GSG1L: variants seen among roughly 807,000 people sequenced by gnomAD.
GSG1L encodes germ cell-specific gene 1-like protein.
In GSG1L, 24 loss-of-function variants were observed where a neutral mutation model predicts 42.1. The observed-to-expected ratio is 0.57, with a 90% CI of 0.41 to 0.80. The LOEUF is 0.80. GSG1L is among the 30% of genes least tolerant of loss of function. The pLI, the probability that GSG1L is intolerant of heterozygous loss-of-function variation, is 0.00. For synonymous variants in GSG1L, 215 were observed against 203.5 expected, an observed-to-expected ratio of 1.06 and a Z score of -0.48; for missense variants, 445 against 472.2, an observed-to-expected ratio of 0.94 and a Z score of 0.53.
intron 3 of GSG1L, among the ~76,000 whole-genome samples, chr16:27,851,671 A>C (rs563324189): frequency 1.1e-4 from 16 of 152,302 alleles, no homozygotes; most frequent in African/African-American, 3.8e-4. Flanking sequence ...CTCTCAGGGC[A>C]GTGTTGCTTG....
Position 28,034,330 on chromosome 16 carries a change from C to CTGGTCTGGGCATTGGGA in GSG1L, c.349+28729_349+28745dup, listed in dbSNP as rs1337605937. On this transcript the variant is annotated intron_variant, in intron 1 of 6. Coordinates refer to ENST00000447459, the MANE Select transcript of GSG1L (RefSeq NM_001109763.2). ...ATCCTATCCCTATGGTCCCGAGTTC[C>CTGGTCTGGGCATTGGGA]TGGTCTGGGCATTGGGATTCAAAAA... Among the ~76,000 whole-genome samples, 5 of 150,958 alleles carry CTGGTCTGGGCATTGGGA rather than the reference C, an allele frequency of 3.3e-5. No homozygotes were observed. The Admixed American group carries it at 3.3e-4, about 10-fold the overall frequency.
intron 2 of GSG1L, among the ~76,000 whole-genome samples, chr16:27,955,259 C>T (rs1328160646): frequency 6.6e-6 from 1 of 150,912 alleles, no homozygotes; most frequent in Non-Finnish European, 1.5e-5. Context: ...AAGCAGGAGA[C>T]TATTAAAAAA....
At chr16:28,048,888 A>G (rs1310049358) in intron 1 of GSG1L, among the ~76,000 whole-genome samples, 2 of 152,244 alleles carry the variant, frequency 1.3e-5, no homozygotes, top group African/African-American at 4.8e-5. Context: ...AAAAAACAGA[A>G]TCAATAAATA....
At chr16:27,973,932 T>C (rs1438105143) in intron 1 of GSG1L, among the ~76,000 whole-genome samples, 2 of 152,158 alleles carry the variant, frequency 1.3e-5, no homozygotes, top group Non-Finnish European at 2.9e-5. Context: ...CCCTGCGCCT[T>C]CCATTGTCTC....
chr16:27,939,417 C>T lies in GSG1L; in HGVS notation c.397+23739G>A, dbSNP rs956182315. On this transcript the variant is annotated intron_variant, in intron 2 of 6. Transcript: ENST00000447459. Reference sequence around the variant, plus strand: ...CACTGGGATTCCAGGCATGAGGCACCAGGCCAGCCCCCAAATTCTCAAGTT... The same window carrying T: ...CACTGGGATTCCAGGCATGAGGCACTAGGCCAGCCCCCAAATTCTCAAGTT... 1.6e-4 allele frequency among the ~76,000 whole-genome samples: 24 copies of T among 152,228 alleles called. 1 individual carries two copies. Among genetic ancestry groups the T allele is most frequent in the Non-Finnish European group, 1.0e-4 (7 of 68,016 alleles).
At chr16:27,915,131 G>A (rs1432621213) in intron 2 of GSG1L, among the ~76,000 whole-genome samples, 2 of 150,952 alleles carry the variant, frequency 1.3e-5, no homozygotes, top group Non-Finnish European at 3.0e-5. Context: ...CAAAACCCAG[G>A]CTGATGGATG....
At chr16:27,946,635 GAA>G (rs1567530037) in intron 2 of GSG1L, among the ~76,000 whole-genome samples, 4 of 4,034 alleles carry the variant, frequency 9.9e-4, no homozygotes, top group African/African-American at 1.4e-3. Context: ...GAGAGAGAAA[GAA>G]AGAAAGAAAG....
At chr16:27,923,608 G>A (rs2084553153) in intron 2 of GSG1L, among the ~76,000 whole-genome samples, 1 of 152,110 alleles carries the variant, frequency 6.6e-6, no homozygotes, top group Admixed American at 6.5e-5. Context: ...CAGGCATGGT[G>A]GCGGGTGCCT....
chr16:27,841,951 G>A (rs1473238775), intron 4 of GSG1L, among the ~76,000 whole-genome samples: 2 of 152,204 alleles, frequency 1.3e-5, no homozygotes, highest in Non-Finnish European at 2.9e-5. Context: ...CAGGGCAAGT[G>A]ATTCAAACTT....
At chr16:27,838,356 C>A (rs1395548867) in intron 4 of GSG1L, among the ~76,000 whole-genome samples, 1 of 152,174 alleles carries the variant, frequency 6.6e-6, no homozygotes, top group Non-Finnish European at 1.5e-5. Flanking sequence ...CTCTCACCCC[C>A]CAGGGCCCCA....
chr16:27,960,766 A>G (rs2141105503), intron 2 of GSG1L, among the ~76,000 whole-genome samples: 1 of 152,268 alleles, frequency 6.6e-6, no homozygotes, highest in African/African-American at 2.4e-5. Flanking sequence ...ACCTCAAGCG[A>G]GAGCTACAGT....
At chr16:27,851,403 C>A (rs1316403415) in intron 3 of GSG1L, among the ~76,000 whole-genome samples, 1 of 151,990 alleles carries the variant, frequency 6.6e-6, no homozygotes, top group Non-Finnish European at 1.5e-5. Flanking sequence ...ATTATGTTGT[C>A]CAGGCTGGTC....
intron 1 of GSG1L, among the ~76,000 whole-genome samples, chr16:28,020,350 A>G (rs2085828340): frequency 6.6e-6 from 1 of 152,194 alleles, no homozygotes; most frequent in South Asian, 2.1e-4. Context: ...ACCAATCTAC[A>G]TTTGCAAAAT....
chr16:27,856,495 T>G (rs2077006944), intron 3 of GSG1L, among the ~76,000 whole-genome samples: 1 of 152,100 alleles, frequency 6.6e-6, no homozygotes, highest in Admixed American at 6.5e-5. Flanking sequence ...TTTTGGTTTT[T>G]GTAGAGACAG....
chr16:27,915,538 G>C (rs1693891273), intron 2 of GSG1L, among the ~76,000 whole-genome samples: 1 of 152,226 alleles, frequency 6.6e-6, no homozygotes, highest in South Asian at 2.1e-4. Context: ...CAAGCCACAA[G>C]TATTTACTGA....
At chr16:27,920,315 G>A (rs1260650574) in intron 2 of GSG1L, among the ~76,000 whole-genome samples, 1 of 152,198 alleles carries the variant, frequency 6.6e-6, no homozygotes, top group East Asian at 1.9e-4. Flanking sequence ...ATGGCTGCCT[G>A]AGGCCAAAAA....
chr16:28,026,556 C>T (rs1049561237), intron 1 of GSG1L, among the ~76,000 whole-genome samples: 1 of 152,134 alleles, frequency 6.6e-6, no homozygotes, highest in South Asian at 2.1e-4. Context: ...TCATTCTTGT[C>T]GCATGAGGGA....
At chr16:27,985,158 C>A (rs538129743) in intron 1 of GSG1L, among the ~76,000 whole-genome samples, 1 of 152,252 alleles carries the variant, frequency 6.6e-6, no homozygotes, top group East Asian at 1.9e-4. Flanking sequence ...CTAGAGGAGA[C>A]TTCCTGTGCC....
chr16:27,913,723 G>T (rs2084418859), intron 2 of GSG1L, among the ~76,000 whole-genome samples: 2 of 152,090 alleles, frequency 1.3e-5, no homozygotes, highest in African/African-American at 4.8e-5. Flanking sequence ...GAGACTGTGT[G>T]GTTCCCAAAG....
Sources: gnomAD v4.1 joint callset for allele counts (sites outside exome capture counted in the v4.1 genomes callset) on GRCh38, gnomAD v4.1.1 for gene constraint, MANE v1.5 for transcripts, NCBI Gene and HGNC (gene_info 2026-07-23, HGNC 2026-07-21) for gene names.